Variants in THAP8 observed in about 807,000 individuals in gnomAD.
THAP8 encodes THAP domain containing 8.
A neutral mutation model predicts 25.0 loss-of-function variants in THAP8; 24 were observed. That is an observed-to-expected ratio of 0.96 (90% confidence interval 0.69 to 1.35). The LOEUF (loss-of-function observed/expected upper bound fraction) is 1.35. THAP8 is among the 40% of genes most tolerant of loss of function. The pLI, the probability that THAP8 is intolerant of heterozygous loss-of-function variation, is 0.00. For missense variants in THAP8, 399 were observed against 368.8 expected (o/e 1.08, Z -0.67); for synonymous variants, 169 against 157.6 (o/e 1.07, Z -0.54).
intron 1 of THAP8, among the ~76,000 whole-genome samples, chr19:36,047,129 T>C (rs1969906636): frequency 6.6e-6 from 1 of 152,236 alleles, no homozygotes; most frequent in East Asian, 1.9e-4. Context: ...GCTCTACCAC[T>C]GAGCTATACC....
In THAP8 at chr19:36,035,439, CT is replaced by C; in HGVS notation, c.825del (p.Ter275=). On this transcript the variant is annotated frameshift_variant and stop_lost, in exon 4 of 4. Coordinates refer to ENST00000292894, the MANE Select transcript of THAP8 (RefSeq NM_152658.3). LOFTEE classifies it high-confidence loss of function. ...ELLDTRIPSA[*>X] ...TCCCTCGACATTGTCTGTCTTGATC[CT>C]TATGCACTGGGGATCCGAGTGTCCA... 6.2e-7 allele frequency: 1 copy of C among 1,613,386 alleles called. No individual in the cohort carries two copies. Among genetic ancestry groups the C allele is most frequent in the Non-Finnish European group, 8.5e-7 (1 of 1,179,540 alleles).
At chr19:36,041,803 G>A (rs752446038) in intron 1 of THAP8, among the ~76,000 whole-genome samples, 4 of 152,088 alleles carry the variant, frequency 2.6e-5, no homozygotes, top group Non-Finnish European at 5.9e-5. Flanking sequence ...AAAAGAGGCC[G>A]GGCATGGTGG....
At chr19:36,044,662 A>G (rs1349231277) in intron 1 of THAP8, among the ~76,000 whole-genome samples, 1 of 151,702 alleles carries the variant, frequency 6.6e-6, no homozygotes, top group Non-Finnish European at 1.5e-5. Flanking sequence ...GCTAATTTAA[A>G]ATTTCTTTTT....
intron 1 of THAP8, among the ~76,000 whole-genome samples, chr19:36,043,932 T>C (rs559994697): frequency 6.6e-6 from 1 of 151,600 alleles, no homozygotes; most frequent in African/African-American, 2.4e-5. Context: ...ATAAAAGCTT[T>C]CTCAGTGGTT....
At chr19:36,048,619 C>A (rs1969953730) in intron 1 of THAP8, among the ~76,000 whole-genome samples, 1 of 151,934 alleles carries the variant, frequency 6.6e-6, no homozygotes, top group African/African-American at 2.4e-5. Context: ...CTTGCCTCAA[C>A]CTTCCAAAGT....
intron 1 of THAP8, among the ~76,000 whole-genome samples, chr19:36,049,273 G>A (rs578218292): frequency 6.6e-6 from 1 of 152,180 alleles, no homozygotes; most frequent in East Asian, 1.9e-4. Context: ...GCTGAGATGG[G>A]AGGACTGCTT....
At chr19:36,048,235 T>C (rs1257472205) in intron 1 of THAP8, among the ~76,000 whole-genome samples, 2 of 152,190 alleles carry the variant, frequency 1.3e-5, no homozygotes, top group Non-Finnish European at 2.9e-5. Context: ...AAGGACATAG[T>C]GTGAGCAAGA....
At chr19:36,051,186 A>C (rs531590364) in intron 1 of THAP8, among the ~76,000 whole-genome samples, 2 of 152,250 alleles carry the variant, frequency 1.3e-5, no homozygotes, top group East Asian at 1.9e-4. Flanking sequence ...AGAACTTTGA[A>C]ATCAGAGGGA....
chr19:36,037,279 C>CACACA (rs1342275484), intron 3 of THAP8, among the ~76,000 whole-genome samples: 3 of 139,008 alleles, frequency 2.2e-5, no homozygotes, highest in Admixed American at 1.5e-4. Context: ...CACACACACA[C>CACACA]CTTCCTCAGC....
rs189267020 is a variant in THAP8, at chr19:36,045,317, G to C, written c.84-5181C>G. ...AGGGTTTTGCTCTGTCACCCAGGTT[G>C]GAGTGCTGTGGTGTGATCTCGGCTC... On this transcript the variant is annotated intron_variant, in intron 1 of 3. Coordinates refer to ENST00000292894, the MANE Select transcript of THAP8 (RefSeq NM_152658.3). 5.5e-3 allele frequency among the ~76,000 whole-genome samples: 843 copies of C among 151,982 alleles called. 9 individuals are homozygous for C. Among genetic ancestry groups the C allele is most frequent in the South Asian group, 0.041 (198 of 4,800 alleles).
intron 3 of THAP8, 62 bp from the exon 4 acceptor site, chr19:36,035,654 A>C: frequency 6.3e-7 from 1 of 1,577,346 alleles, no homozygotes; most frequent in Non-Finnish European, 8.7e-7. Context: ...AGAGACAGAC[A>C]GATAACGGTG....
At position 36,035,366 on chromosome 19, in the gene THAP8, G is replaced by C. The variant is rs920428453; in HGVS notation, c.*74C>G. The C allele has an allele frequency of 2.6e-6, 4 of 1,547,522 alleles. No individual in the cohort carries two copies. In the African/African-American group the frequency reaches 5.5e-5, roughly 21 times the overall value. On this transcript the variant is annotated 3_prime_UTR_variant, in exon 4 of 4. Coordinates refer to ENST00000292894, the MANE Select transcript of THAP8 (RefSeq NM_152658.3). ...TACCCAGGCGTGGGCGGTGGGGCTGGGCCAAGCCCACGTATAATGTCTTTC... is the reference window on the plus strand; with the variant it reads ...TACCCAGGCGTGGGCGGTGGGGCTGCGCCAAGCCCACGTATAATGTCTTTC...
intron 1 of THAP8, among the ~76,000 whole-genome samples, chr19:36,052,120 C>T (rs1292251194): frequency 6.6e-6 from 1 of 152,072 alleles, no homozygotes; most frequent in Non-Finnish European, 1.5e-5. Context: ...TCTCGGCTCA[C>T]TGCAACCTCT....
intron 1 of THAP8, among the ~76,000 whole-genome samples, chr19:36,049,364 C>CAA (rs1284983821): frequency 2.8e-5 from 4 of 141,886 alleles, no homozygotes; most frequent in African/African-American, 1.0e-4. Context: ...GATCATGTTT[C>CAA]AAAAAAAAAA....
Position 36,040,014 on chromosome 19 carries a change from C to T in THAP8, c.206G>A (p.Trp69Ter). The change falls in exon 2 of 4, where the codon TGG becomes TAG. Residue 69 changes from tryptophan to a stop codon, truncating the protein, a stop_gained. Transcript: ENST00000292894. LOFTEE classifies it high-confidence loss of function. ...CCGCAGGTAGCGCACACCCCAGCGC[C>T]ACTGGAAGCAGGAGGGTGTGAAGTG... Reference protein sequence around the residue: ...SEHFTPSCFQWRWGVRYLRPD... With the variant: ...SEHFTPSCFQ 2 of 1,613,808 alleles carry T rather than the reference C, an allele frequency of 1.2e-6. No individual in the cohort carries two copies. Among genetic ancestry groups the T allele is most frequent in the Non-Finnish European group, 1.7e-6 (2 of 1,179,954 alleles).
intron 1 of THAP8, among the ~76,000 whole-genome samples, chr19:36,052,208 C>T (rs928179205): frequency 5.3e-4 from 80 of 152,270 alleles, no homozygotes; most frequent in Admixed American, 5.2e-3. Context: ...CCACACCTAG[C>T]TAATTTTTGT....
intron 1 of THAP8, among the ~76,000 whole-genome samples, chr19:36,042,741 A>C (rs1159951648): frequency 1.3e-5 from 2 of 152,134 alleles, no homozygotes; most frequent in Non-Finnish European, 2.9e-5. Context: ...ATATACATAC[A>C]ATGGAATTTT....
intron 3 of THAP8, among the ~76,000 whole-genome samples, chr19:36,035,928 A>G (rs1969425357): frequency 6.6e-6 from 1 of 152,026 alleles, no homozygotes; most frequent in African/African-American, 2.4e-5. Flanking sequence ...AGACACAGGG[A>G]GGTGGGGAAA....
intron 1 of THAP8, among the ~76,000 whole-genome samples, chr19:36,050,593 G>A (rs1339539756): frequency 1.3e-5 from 2 of 152,138 alleles, no homozygotes; most frequent in East Asian, 1.9e-4. Flanking sequence ...ATGGACTAGC[G>A]GTGAATGAAA....
Sources: allele counts gnomAD v4.1 joint callset (sites outside exome capture counted in the v4.1 genomes callset), GRCh38; gene constraint gnomAD v4.1.1; transcripts MANE v1.5; gene names NCBI Gene and HGNC (gene_info 2026-07-23, HGNC 2026-07-21).